RBM44: variants seen among roughly 807,000 people sequenced by gnomAD.
RBM44 encodes the protein RNA-binding protein 44.
RBM44 carries 66 observed loss-of-function variants against 105.1 expected under a neutral mutation model. That is an observed-to-expected ratio of 0.63 (90% CI 0.52 to 0.77). The LOEUF (loss-of-function observed/expected upper bound fraction) is 0.77, where lower values mean the gene tolerates loss of function less well. Ranked by LOEUF, RBM44 falls within the 30% of genes least tolerant of loss-of-function variation. RBM44 has a pLI of 0.00. For synonymous variants in RBM44, 365 were observed against 417.6 expected, an observed-to-expected ratio of 0.87 and a Z score of 1.54; for missense variants, 1,122 against 1,207.8, an observed-to-expected ratio of 0.93 and a Z score of 1.05.
At chr2:237,810,560 T>C (rs777035393) in intron 1 of RBM44, among the ~76,000 whole-genome samples, 1 of 152,216 alleles carries the variant, frequency 6.6e-6, no homozygotes, top group Non-Finnish European at 1.5e-5. Context: ...GTTATGCCTA[T>C]GCACAGTAAA....
intron 4 of RBM44, 144 bp from the exon 5 acceptor site, chr2:237,820,031 T>A (rs1559914384): frequency 2.3e-6 from 1 of 429,672 alleles, no homozygotes; most frequent in Admixed American, 4.3e-5. Context: ...TTGTTATATA[T>A]TCCTACAGCC....
intron 5 of RBM44, 200 bp from the exon 6 acceptor site, chr2:237,820,861 AACATAATAGG>A (rs2061779175): frequency 2.3e-6 from 1 of 428,436 alleles, no homozygotes; most frequent in Admixed American, 4.1e-5. Context: ...CAATGTGGGC[AACATAATAGG>A]ACCCCCGTCT....
chr2:237,834,879 C>T (rs551986882), intron 15 of RBM44: 1 of 152,872 alleles, frequency 6.5e-6, no homozygotes, highest in East Asian at 1.9e-4. Context: ...GCTGGCTTCC[C>T]CTAAGCAAGA....
chr2:237,824,309 A>T lies in RBM44; in HGVS notation c.2339A>T (p.Glu780Val), dbSNP rs374843466. 2 of 1,613,096 alleles carry T rather than the reference A, an allele frequency of 1.2e-6. No homozygotes were observed. Among genetic ancestry groups the T allele is most frequent in the Non-Finnish European group, 1.7e-6 (2 of 1,179,368 alleles). The change falls in exon 10 of 16, where the codon GAG becomes GTG. Residue 780 changes from glutamate to valine, a missense_variant. By Grantham distance (121) the Glu-to-Val change is moderately radical. Coordinates refer to ENST00000316997, the MANE Select transcript of RBM44 (RefSeq NM_001080504.3). ...LGDKDCRHYQ[E>V]TSEDWSDAKE... The stretch of plus-strand genomic sequence containing the variant: ...GTCTTAGACTGCAGACATTACCAAG[A>T]GACAAGCGAAGACTGGTCTGATGCT...
chr2:237,813,974 G>C (rs773576017), intron 2 of RBM44, among the ~76,000 whole-genome samples: 130 of 152,268 alleles, frequency 8.5e-4, no homozygotes, highest in South Asian at 1.2e-3. Context: ...GTGATAATCA[G>C]AAAGTGAGCA....
At chr2:237,831,472 G>C (rs2061902769) in intron 13 of RBM44, among the ~76,000 whole-genome samples, 1 of 151,954 alleles carries the variant, frequency 6.6e-6, no homozygotes, top group Admixed American at 6.6e-5. Flanking sequence ...TAGTACACAT[G>C]GGGTTTCACC....
intron 8 of RBM44, 148 bp from the exon 9 acceptor site, chr2:237,823,292 C>A: frequency 3.9e-6 from 2 of 511,600 alleles, no homozygotes; most frequent in Non-Finnish European, 3.5e-6. Context: ...TCTGTTCTCT[C>A]ACATGTCAGG....
chr2:237,822,943 TATA>T (rs1260317880), intron 8 of RBM44, among the ~76,000 whole-genome samples: 1 of 152,038 alleles, frequency 6.6e-6, no homozygotes, highest in African/African-American at 2.4e-5. Flanking sequence ...CTGTATTACC[TATA>T]ATGTTACTTT....
Position 237,837,222 on chromosome 2 carries a change from T to G in RBM44, c.*22+2799T>G, listed in dbSNP as rs374969768. On this transcript the variant is annotated intron_variant, in intron 15 of 15. Transcript: ENST00000316997. ...GAGATGTAGAAGGAAATTAATGGGG[T>G]TTTTTTTATGCCTGCTAACACAACA... Among the ~76,000 whole-genome samples, 10 of 151,922 alleles carry G rather than the reference T, an allele frequency of 6.6e-5. No individual in the cohort carries two copies. The East Asian group carries it at 9.6e-4, about 15-fold the overall frequency.
intron 13 of RBM44, among the ~76,000 whole-genome samples, chr2:237,833,174 CA>C (rs2061919703): frequency 6.6e-6 from 1 of 152,082 alleles, no homozygotes; most frequent in Admixed American, 6.6e-5. Flanking sequence ...ACAAAAGAGA[CA>C]AAAATCTGTA....
At chr2:237,808,698 T>G (rs1203062792) in intron 1 of RBM44, among the ~76,000 whole-genome samples, 1 of 152,138 alleles carries the variant, frequency 6.6e-6, no homozygotes, top group Non-Finnish European at 1.5e-5. Context: ...AGGTCTAACA[T>G]AAGTTCAACT....
intron 4 of RBM44, among the ~76,000 whole-genome samples, chr2:237,819,746 AAG>A (rs1307381249): frequency 3.3e-5 from 5 of 152,006 alleles, no homozygotes; most frequent in Admixed American, 2.0e-4. Flanking sequence ...TTCTATTAAA[AAG>A]ATAATATGTT....
chr2:237,799,682 G>A (rs2061526316), intron 1 of RBM44, among the ~76,000 whole-genome samples: 2 of 152,214 alleles, frequency 1.3e-5, no homozygotes, highest in Admixed American at 6.5e-5. Context: ...CACAGAGCCC[G>A]GACCGTTGTA....
rs1399531690 is a variant in RBM44, at chr2:237,803,936, G to A, written c.-19+5075G>A. Among the ~76,000 whole-genome samples, 2 of 151,214 alleles carry A rather than the reference G, an allele frequency of 1.3e-5. No individual in the cohort carries two copies. Among genetic ancestry groups the A allele is most frequent in the African/African-American group, 4.9e-5 (2 of 41,042 alleles). ...AGAGTCTTGCTTTGTCACCCAGGCTGGGGTACAGTGGCGCAATCTCAGCTG... is the reference window on the plus strand; with the variant it reads ...AGAGTCTTGCTTTGTCACCCAGGCTAGGGTACAGTGGCGCAATCTCAGCTG... On this transcript the variant is annotated intron_variant, in intron 1 of 15. Transcript: ENST00000316997. This position sits in a 1 kb window ranked among gnomAD's most constrained non-coding sequence, Gnocchi z 4.2.
At chr2:237,836,211 C>T (rs1263290532) in intron 15 of RBM44, among the ~76,000 whole-genome samples, 1 of 152,102 alleles carries the variant, frequency 6.6e-6, no homozygotes, top group African/African-American at 2.4e-5. Context: ...ATTCAAGGGC[C>T]CTTAGGAATT....
rs375659080 is a variant in RBM44, at chr2:237,803,517, T to A, written c.-19+4656T>A. ...CTATTTGTACAAGTTATTTATGTAA[T>A]CTGAATAAGCGTCTCCTTTTGGATA... On this transcript the variant is annotated intron_variant, in intron 1 of 15. Coordinates refer to ENST00000316997, the MANE Select transcript of RBM44 (RefSeq NM_001080504.3). This position sits in a 1 kb window ranked among gnomAD's most constrained non-coding sequence, Gnocchi z 4.2. Among the ~76,000 whole-genome samples the A allele has an allele frequency of 6.6e-5, 10 of 152,266 alleles. No individual in the cohort carries two copies. Among genetic ancestry groups the A allele is most frequent in the African/African-American group, 1.9e-4 (8 of 41,460 alleles).
At chr2:237,820,494 A>T in intron 5 of RBM44, 143 bp downstream of exon 5, 2 of 515,894 alleles carry the variant, frequency 3.9e-6, no homozygotes, top group South Asian at 3.5e-5. Flanking sequence ...GCCTAAGGGT[A>T]ATAGAACCCT....
chr2:237,829,139 C>A, intron 12 of RBM44, 78 bp from the exon 13 acceptor site: 1 of 1,028,868 alleles, frequency 9.7e-7, no homozygotes, highest in Non-Finnish European at 1.4e-6. Context: ...AACGTATTTG[C>A]ATCAGTAGTT....
At chr2:237,836,715 G>T (rs1156699461) in intron 15 of RBM44, among the ~76,000 whole-genome samples, 2 of 151,592 alleles carry the variant, frequency 1.3e-5, no homozygotes, top group African/African-American at 4.9e-5. Context: ...GGGAGGCAGA[G>T]GTTGCAGTGA....
Sources: gnomAD v4.1 joint callset for allele counts (sites outside exome capture counted in the v4.1 genomes callset) on GRCh38, gnomAD v4.1.1 for gene constraint, Gnocchi (gnomAD v3.1) non-coding constraint, MANE v1.5 for transcripts, NCBI Gene and HGNC (gene_info 2026-07-23, HGNC 2026-07-21) for gene names.